The following WDR44 variants were observed in gnomAD, a reference collection of about 807,000 sequenced individuals.
WDR44 encodes WD repeat-containing protein 44.
A neutral mutation model predicts 65.7 loss-of-function variants in WDR44; 9 were observed. That is an observed-to-expected ratio of 0.14 (90% CI 0.08 to 0.24). The LOEUF (loss-of-function observed/expected upper bound fraction) is 0.24. WDR44 is among the 10% of genes least tolerant of loss of function. The probability of loss-of-function intolerance (pLI) is 1.00; values close to 1 mark genes in which losing one functional copy is unlikely to be tolerated. For missense variants in WDR44, 425 were observed against 670.9 expected (o/e 0.63, Z 4.05); for synonymous variants, 220 against 235.2 (o/e 0.94, Z 0.59).
intron 14 of WDR44, among the ~76,000 whole-genome samples, chrX:118,440,447 G>A (rs920098441): frequency 9.0e-6 from 1 of 111,211 alleles, no homozygotes; most frequent in East Asian, 2.8e-4. Flanking sequence ...GAATGATGAA[G>A]TAATTCTCTG....
chrX:118,357,784 G>A (rs146523274), intron 1 of WDR44, among the ~76,000 whole-genome samples: 1,606 of 110,290 alleles, frequency 0.015, 10 homozygotes, highest in Middle Eastern at 0.028. Context: ...GGTGGGCGTA[G>A]AGGGGGATTA....
At chrX:118,447,133 A>G (rs1280145171) in intron 19 of WDR44, 1 of 316,867 alleles carries the variant, frequency 3.2e-6, no homozygotes, top group Non-Finnish European at 6.0e-6. Flanking sequence ...TACTTTGGCC[A>G]AAGTACTGGG....
intron 2 of WDR44, among the ~76,000 whole-genome samples, chrX:118,379,280 A>G (rs2056693437): frequency 9.0e-6 from 1 of 111,401 alleles, no homozygotes; most frequent in Non-Finnish European, 1.9e-5. Context: ...ATGTATATTT[A>G]TATGTATGTG....
At chrX:118,411,445 A>G (rs1038209288) in intron 12 of WDR44, among the ~76,000 whole-genome samples, 1 of 112,118 alleles carries the variant, frequency 8.9e-6, no homozygotes, top group African/African-American at 3.2e-5. Context: ...CAGAATACAC[A>G]ATATTGTACT....
intron 19 of WDR44, among the ~76,000 whole-genome samples, chrX:118,446,238 T>C (rs2057345345): frequency 9.1e-6 from 1 of 109,451 alleles, no homozygotes. Context: ...TGGGCTGAGA[T>C]TGCACCACTG....
chrX:118,405,867 A>G (rs1212210244), intron 9 of WDR44, among the ~76,000 whole-genome samples: 2 of 112,057 alleles, frequency 1.8e-5, no homozygotes, highest in Non-Finnish European at 3.8e-5. Flanking sequence ...AGGGCGAGGC[A>G]TGGTGGCTCA....
At chrX:118,403,674 A>G (rs1282237469) in intron 8 of WDR44, among the ~76,000 whole-genome samples, 1 of 111,845 alleles carries the variant, frequency 8.9e-6, no homozygotes, top group Non-Finnish European at 1.9e-5. Flanking sequence ...ATCATCATGT[A>G]CTGTGCATTG....
At chrX:118,355,264 TC>T (rs905801374) in intron 1 of WDR44, among the ~76,000 whole-genome samples, 5 of 112,178 alleles carry the variant, frequency 4.5e-5, no homozygotes, top group African/African-American at 1.6e-4. Flanking sequence ...TACAGAGATT[TC>T]CTAGTATAAC....
chrX:118,354,780 A>G lies in WDR44; in HGVS notation c.77+8200A>G, dbSNP rs747854860. On this transcript the variant is annotated intron_variant, in intron 1 of 19. Coordinates refer to ENST00000254029, the MANE Select transcript of WDR44 (RefSeq NM_019045.5). ...TCTGTATAAAACCTACTTGGCCACT[A>G]CTAATTGTAATAGACTATTCCAGTA... Among the ~76,000 whole-genome samples, 131 of 112,038 alleles carry G rather than the reference A, an allele frequency of 1.2e-3. 1 individual carries two copies. Among genetic ancestry groups the G allele is most frequent in the Non-Finnish European group, 6.8e-4 (36 of 53,222 alleles).
chrX:118,373,371 C>T (rs962597750), intron 1 of WDR44, among the ~76,000 whole-genome samples: 7 of 111,539 alleles, frequency 6.3e-5, no homozygotes, highest in African/African-American at 2.3e-4. Context: ...TACTTATTTA[C>T]AAGCTGCTTT....
At position 118,441,742 on chromosome X, in the gene WDR44, A is replaced by T. The variant is rs183880114; in HGVS notation, c.2166+183A>T. Among the ~76,000 whole-genome samples the T allele has an allele frequency of 1.5e-3, 163 of 110,610 alleles. 1 individual carries two copies. The East Asian group carries it at 0.025, about 17-fold the overall frequency. On this transcript the variant is annotated intron_variant, in intron 15 of 19. Transcript: ENST00000254029. ...TTGAGATGTCTTCTAATTCTAATTT[A>T]AAAAAAATTTTTTTTTGAGATGGAG...
intron 8 of WDR44, among the ~76,000 whole-genome samples, chrX:118,400,758 C>T (rs1185017996): frequency 1.2e-4 from 13 of 106,517 alleles, no homozygotes; most frequent in South Asian, 4.4e-4. Context: ...CATGCTGGTG[C>T]GCTGCACCCA....
At chrX:118,395,139 C>A in intron 5 of WDR44, 110 bp from the exon 6 acceptor site, 1 of 699,174 alleles carries the variant, frequency 1.4e-6, no homozygotes, top group Non-Finnish European at 2.1e-6. Context: ...AGATTTTCAG[C>A]AGACTCCATT....
At chrX:118,439,954 T>A (rs930799611) in intron 14 of WDR44, among the ~76,000 whole-genome samples, 1 of 107,618 alleles carries the variant, frequency 9.3e-6, no homozygotes, top group African/African-American at 3.4e-5. Context: ...ACCCCATTTT[T>A]ATAAAAAAAT....
chrX:118,399,721 A>T (rs185090746), intron 8 of WDR44, among the ~76,000 whole-genome samples: 1 of 111,898 alleles, frequency 8.9e-6, no homozygotes. Context: ...ACTGCAAAAT[A>T]GAAGCAGCAA....
chrX:118,448,787 T>A, intron 19 of WDR44, 106 bp from the exon 20 acceptor site: 1 of 437,896 alleles, frequency 2.3e-6, no homozygotes, highest in Non-Finnish European at 3.8e-6. Context: ...GGTGGGGAGA[T>A]GATCTTCTCC....
intron 1 of WDR44, among the ~76,000 whole-genome samples, chrX:118,376,265 G>A (rs1175309303): frequency 9.4e-6 from 1 of 106,168 alleles, no homozygotes; most frequent in Non-Finnish European, 1.9e-5. Context: ...TAAAGGGATT[G>A]ATTTTCTGTT....
In WDR44 at chrX:118,378,709, C is replaced by CGTGTGTGTGTGTGTGTGTGTGTGTGTGT. The variant is rs61698360; in HGVS notation, c.111+283_111+284insGTGTGTGTGTGTGTGTGTGTGTGTGTGT. 5.3e-3 allele frequency among the ~76,000 whole-genome samples: 500 copies of CGTGTGTGTGTGTGTGTGTGTGTGTGTGT among 94,414 alleles called. 17 individuals carry two copies. Among genetic ancestry groups the CGTGTGTGTGTGTGTGTGTGTGTGTGTGT allele is most frequent in the East Asian group, 0.037 (106 of 2,840 alleles). The allele number at this position is 94,414 out of a possible 115,157, so 82.0% of individuals were successfully genotyped here. On this transcript the variant is annotated intron_variant, in intron 2 of 19. Transcript: ENST00000254029. ...GTTTATAATATCTAGAATAAAAGAA[C>CGTGTGTGTGTGTGTGTGTGTGTGTGTGT]GTGTGTGTGTGTGTGTGTGTGTGTG...
At chrX:118,438,153 G>A (rs1361575296) in intron 14 of WDR44, among the ~76,000 whole-genome samples, 5 of 111,438 alleles carry the variant, frequency 4.5e-5, no homozygotes, top group Non-Finnish European at 9.4e-5. Context: ...AGACCAGCCT[G>A]GACAACACAG....
Sources: gnomAD v4.1 joint callset for allele counts (sites outside exome capture counted in the v4.1 genomes callset) on GRCh38, gnomAD v4.1.1 for gene constraint, MANE v1.5 for transcripts, NCBI Gene and HGNC (gene_info 2026-07-23, HGNC 2026-07-21) for gene names.